The following TMEM243 variants were observed in gnomAD, a reference collection of about 807,000 sequenced individuals.
TMEM243 encodes MDR1 and mitochondrial taxol resistance associated.
In TMEM243, 20 loss-of-function variants were observed where a neutral mutation model predicts 15.0. The observed-to-expected ratio is 1.33, with a 90% CI of 0.94 to 1.93. The LOEUF (loss-of-function observed/expected upper bound fraction) is 1.93, where lower values mean the gene tolerates loss of function less well. Ranked by LOEUF, TMEM243 falls within the 30% of genes most tolerant of loss-of-function variation. The pLI is 0.00. For missense variants in TMEM243, 156 were observed against 142.1 expected (o/e 1.10, Z -0.50); for synonymous variants, 72 against 52.7 (o/e 1.37, Z -1.59).
rs1584511008 is a variant in TMEM243 at position 87,197,655 on chromosome 7, T to A, written c.234+286A>T. 3 of 1,190,878 alleles carry A rather than the reference T, an allele frequency of 2.5e-6. No individual in the cohort carries two copies. The East Asian group carries it at 8.2e-5, about 33-fold the overall frequency. The allele number at this position is 1,190,878 out of a possible 1,614,324, so 73.8% of individuals were successfully genotyped here. Reference sequence around the variant, plus strand: ...CTTGAGTGAAGATGAATTAAGTAAATTAAAATCTTTGGCCACCTACGTCTT... The same window carrying A: ...CTTGAGTGAAGATGAATTAAGTAAAATAAAATCTTTGGCCACCTACGTCTT... On this transcript the variant is annotated intron_variant, in intron 3 of 3. Coordinates refer to ENST00000257637, the MANE Select transcript of TMEM243 (RefSeq NM_024315.4).
chr7:87,214,413 G>A lies in TMEM243; in HGVS notation c.78+5013C>T, dbSNP rs566105002. On this transcript the variant is annotated intron_variant, in intron 1 of 3. Coordinates refer to ENST00000257637, the MANE Select transcript of TMEM243 (RefSeq NM_024315.4). ...TTCAGGTTTTAGTTTACCCTAGGGGGCAGGATGGGAGGGAAAAGCAGAGGA... is the reference window on the plus strand; with the variant it reads ...TTCAGGTTTTAGTTTACCCTAGGGGACAGGATGGGAGGGAAAAGCAGAGGA... Among the ~76,000 whole-genome samples the A allele has an allele frequency of 7.8e-4, 119 of 152,288 alleles. 1 individual carries two copies. Among genetic ancestry groups the A allele is most frequent in the African/African-American group, 2.7e-3 (112 of 41,548 alleles).
intron 1 of TMEM243, among the ~76,000 whole-genome samples, chr7:87,204,037 A>G (rs1270087674): frequency 6.6e-6 from 1 of 152,214 alleles, no homozygotes; most frequent in Non-Finnish European, 1.5e-5. Flanking sequence ...ACAGTTCCAC[A>G]TAGCTGAGGT....
chr7:87,218,358 G>C (rs1803256402), intron 1 of TMEM243, among the ~76,000 whole-genome samples: 1 of 152,184 alleles, frequency 6.6e-6, no homozygotes, highest in Non-Finnish European at 1.5e-5. Context: ...AACATTTTGA[G>C]AAGAGAAAGT....
At chr7:87,218,261 G>A (rs1305292387) in intron 1 of TMEM243, among the ~76,000 whole-genome samples, 1 of 152,232 alleles carries the variant, frequency 6.6e-6, no homozygotes, top group Non-Finnish European at 1.5e-5. Context: ...CTCAAACCAG[G>A]AGCACTGTGG....
Position 87,196,633 on chromosome 7 carries a change from G to A in TMEM243, c.*3C>T. 1 of 1,607,692 alleles carries A rather than the reference G, an allele frequency of 6.2e-7. No individual in the cohort carries two copies. Among genetic ancestry groups the A allele is most frequent in the East Asian group, 2.2e-5 (1 of 44,606 alleles). On this transcript the variant is annotated 3_prime_UTR_variant, in exon 4 of 4. Transcript: ENST00000257637. ...TCCTGGTAAGTACTTCTCCTTGGCA[G>A]CCTCACCTTCCCACATCATGGAAGT...
intron 1 of TMEM243, among the ~76,000 whole-genome samples, chr7:87,200,871 C>CA (rs1053277943): frequency 6.6e-6 from 1 of 152,154 alleles, no homozygotes; most frequent in African/African-American, 2.4e-5. Context: ...ACAAAGATGT[C>CA]AAGTGGCAGA....
intron 3 of TMEM243, chr7:87,197,714 T>TGGA: frequency 2.3e-6 from 1 of 429,084 alleles, no homozygotes; most frequent in Non-Finnish European, 3.0e-6. Flanking sequence ...TTTTTTTTTT[T>TGGA]TTAAGCTATC....
At chr7:87,205,767 T>C (rs1802174975) in intron 1 of TMEM243, among the ~76,000 whole-genome samples, 1 of 152,206 alleles carries the variant, frequency 6.6e-6, no homozygotes, top group Non-Finnish European at 1.5e-5. Context: ...CACATCTTCC[T>C]GTCTTGTGAG....
intron 1 of TMEM243, among the ~76,000 whole-genome samples, chr7:87,207,981 G>T (rs1802349871): frequency 6.6e-6 from 1 of 152,050 alleles, no homozygotes. Flanking sequence ...AACAGTATGG[G>T]GGAAACCAAC....
intron 1 of TMEM243, among the ~76,000 whole-genome samples, chr7:87,217,324 C>T (rs1803184315): frequency 6.6e-6 from 1 of 152,188 alleles, no homozygotes; most frequent in African/African-American, 2.4e-5. Context: ...CACCCACACA[C>T]AAGAGCAAGG....
chr7:87,212,095 C>T (rs1802794124), intron 1 of TMEM243, among the ~76,000 whole-genome samples: 1 of 152,120 alleles, frequency 6.6e-6, no homozygotes, highest in Non-Finnish European at 1.5e-5. Flanking sequence ...ACAATGTCTA[C>T]CATGTGAAGT....
intron 1 of TMEM243, among the ~76,000 whole-genome samples, chr7:87,213,994 C>G (rs1272688368): frequency 2.0e-5 from 3 of 152,188 alleles, no homozygotes; most frequent in African/African-American, 7.2e-5. Context: ...CAAGAACTGT[C>G]ACCACCCTTC....
At chr7:87,198,296 C>T (rs1470435281) in intron 2 of TMEM243, 2 of 368,332 alleles carry the variant, frequency 5.4e-6, no homozygotes, top group African/African-American at 4.2e-5. Flanking sequence ...GCCAAAATAA[C>T]TTCATTAACT....
intron 1 of TMEM243, among the ~76,000 whole-genome samples, chr7:87,207,935 C>A (rs1802347433): frequency 6.6e-6 from 1 of 152,126 alleles, no homozygotes; most frequent in Non-Finnish European, 1.5e-5. Context: ...CCTGTGTACT[C>A]AGCCAGAGCT....
intron 1 of TMEM243, among the ~76,000 whole-genome samples, chr7:87,204,800 C>G (rs1802084816): frequency 6.6e-6 from 1 of 152,220 alleles, no homozygotes; most frequent in South Asian, 2.1e-4. Context: ...ATTCTGGCAT[C>G]TGGAGGATGG....
chr7:87,212,465 G>T (rs1200504470), intron 1 of TMEM243, among the ~76,000 whole-genome samples: 1 of 152,066 alleles, frequency 6.6e-6, no homozygotes, highest in Admixed American at 6.6e-5. Flanking sequence ...GTAAGCAAAG[G>T]ATATTACCAA....
At chr7:87,212,748 T>A (rs1165430481) in intron 1 of TMEM243, among the ~76,000 whole-genome samples, 1 of 152,210 alleles carries the variant, frequency 6.6e-6, no homozygotes, top group Non-Finnish European at 1.5e-5. Flanking sequence ...GGTTACTTTT[T>A]GATAACGCTA....
rs975603838 is a variant in TMEM243, at chr7:87,219,602, C to T, written c.-99G>A. ...ACTGCAAGCCTCCTCCTCACGGCTC[C>T]CGCATAGCCGAACCCGAGTGGTCGG... On this transcript the variant is annotated 5_prime_UTR_variant, in exon 1 of 4. Transcript: ENST00000257637. 51 of 1,081,982 alleles carry T rather than the reference C, an allele frequency of 4.7e-5. No homozygotes were observed. In the South Asian group the frequency reaches 4.9e-4, roughly 10 times the overall value. 67.0% of individuals were successfully genotyped at this position (1,081,982 alleles called of 1,614,324 possible).
chr7:87,219,434 A>T lies in TMEM243; in HGVS notation c.70T>A (p.Ser24Thr). The change falls in exon 1 of 4, where the codon TCC (serine) becomes ACC (threonine). Residue 24 changes from serine (S) to threonine (T), a missense_variant. Ser to Thr is a moderately conservative substitution (Grantham distance 58). Transcript: ENST00000257637. ...LDNRPLFGETSAKDRIINLVV... is the reference protein window; with the variant it reads ...LDNRPLFGETTAKDRIINLVV... ...TCACAATCCGCACTCACCTTGGCGGACGTCTCCCCAAACAGAGGTCTGTTG... is the reference window on the plus strand; with the variant it reads ...TCACAATCCGCACTCACCTTGGCGGTCGTCTCCCCAAACAGAGGTCTGTTG... 1.2e-6 allele frequency: 2 copies of T among 1,614,184 alleles called. No individual in the cohort carries two copies. Among genetic ancestry groups the T allele is most frequent in the South Asian group, 2.2e-5 (2 of 91,082 alleles).
Sources: allele counts gnomAD v4.1 joint callset (sites outside exome capture counted in the v4.1 genomes callset), GRCh38; gene constraint gnomAD v4.1.1; transcripts MANE v1.5; gene names NCBI Gene and HGNC (gene_info 2026-07-23, HGNC 2026-07-21).